Variants in GPHN observed in about 807,000 individuals in gnomAD.
GPHN encodes gephyrin.
In GPHN, 17 loss-of-function variants were observed where a neutral mutation model predicts 95.5. The observed-to-expected ratio is 0.18, with a 90% CI of 0.12 to 0.27. The LOEUF (loss-of-function observed/expected upper bound fraction) is 0.27. GPHN is among the 10% of genes least tolerant of loss of function. The probability of loss-of-function intolerance (pLI) is 1.00; values close to 1 mark genes in which losing one functional copy is unlikely to be tolerated. For synonymous variants in GPHN, 320 were observed against 322.5 expected (o/e 0.99, Z 0.08); for missense variants, 660 against 978.1 (o/e 0.67, Z 4.34).
chr14:67,323,163 C>T, the GPHN span, among the ~76,000 whole-genome samples: 1 of 150,024 alleles, frequency 6.7e-6, no homozygotes, highest in Admixed American at 6.7e-5. Context: ...CATAAAAGAG[C>T]AAGCTAAAAT....
At chr14:67,436,972 A>C in the GPHN span, among the ~76,000 whole-genome samples, 19 of 152,088 alleles carry the variant, frequency 1.2e-4, no homozygotes, top group African/African-American at 4.6e-4. Flanking sequence ...TGGGAGAATC[A>C]CTTGAACCCA....
the GPHN span, among the ~76,000 whole-genome samples, chr14:67,514,369 A>G: frequency 2.0e-5 from 3 of 152,122 alleles, no homozygotes; most frequent in East Asian, 5.8e-4. Context: ...CTTGCCAGGA[A>G]CCGGGCTGTA....
chr14:67,563,434 T>G, the GPHN span, among the ~76,000 whole-genome samples: 3 of 146,756 alleles, frequency 2.0e-5, no homozygotes, highest in Non-Finnish European at 3.0e-5. Context: ...TTCTTTTTTT[T>G]GGGGGGTGGG....
the GPHN span, among the ~76,000 whole-genome samples, chr14:67,276,009 CTT>C: frequency 6.6e-6 from 1 of 152,078 alleles, no homozygotes. Context: ...ATTCTTCTCT[CTT>C]TTCTTCATTA....
chr14:67,441,945 T>C, the GPHN span: 16 of 153,978 alleles, frequency 1.0e-4, no homozygotes, highest in Admixed American at 9.2e-4. Context: ...AATATCTATC[T>C]CCTTCCTATT....
intron 17 of GPHN, among the ~76,000 whole-genome samples, chr14:67,132,299 A>G (rs534693998): frequency 5.9e-5 from 9 of 152,250 alleles, no homozygotes; most frequent in Non-Finnish European, 1.0e-4. Context: ...TTGCTTACCC[A>G]ATGTTCTTAA....
At chr14:67,664,404 G>A in the GPHN span, among the ~76,000 whole-genome samples, 1 of 152,090 alleles carries the variant, frequency 6.6e-6, no homozygotes, top group Non-Finnish European at 1.5e-5. Context: ...CATCTATGCT[G>A]TTGCACGTAT....
the GPHN span, among the ~76,000 whole-genome samples, chr14:67,528,157 G>T: frequency 6.6e-6 from 1 of 152,164 alleles, no homozygotes; most frequent in South Asian, 2.1e-4. Flanking sequence ...CTTGGCTTGG[G>T]TCTGTCTTCT....
intron 4 of GPHN, among the ~76,000 whole-genome samples, chr14:66,872,591 C>A (rs1326052369): frequency 6.6e-6 from 1 of 151,902 alleles, no homozygotes; most frequent in African/African-American, 2.4e-5. Context: ...TTTAACTGTA[C>A]TTATCTTAAG....
intron 6 of GPHN, among the ~76,000 whole-genome samples, chr14:66,921,733 A>G (rs2066227466): frequency 6.6e-6 from 1 of 152,182 alleles, no homozygotes; most frequent in African/African-American, 2.4e-5. Flanking sequence ...ATGGCACCAA[A>G]AAAGAGCCCG....
the GPHN span, among the ~76,000 whole-genome samples, chr14:67,206,342 T>TA: frequency 6.6e-6 from 1 of 151,332 alleles, no homozygotes; most frequent in Non-Finnish European, 1.5e-5. Flanking sequence ...TACTAAAAAA[T>TA]AAAAATTAGC....
chr14:67,046,458 GA>G (rs1236584184), intron 10 of GPHN, among the ~76,000 whole-genome samples: 1 of 152,118 alleles, frequency 6.6e-6, no homozygotes, highest in Non-Finnish European at 1.5e-5. Context: ...GGAATAATGA[GA>G]GATGAGACTG....
the GPHN span, chr14:67,645,519 C>G: frequency 9.2e-7 from 1 of 1,085,842 alleles, no homozygotes; most frequent in Non-Finnish European, 1.3e-6. Context: ...CACCCAAACC[C>G]AGTCTCCATC....
At chr14:67,170,452 A>G (rs1423165140) in intron 21 of GPHN, among the ~76,000 whole-genome samples, 1 of 152,250 alleles carries the variant, frequency 6.6e-6, no homozygotes, top group Non-Finnish European at 1.5e-5. Flanking sequence ...AAAAATTCAC[A>G]TTATTATAAG....
chr14:67,656,942 G>T, the GPHN span, among the ~76,000 whole-genome samples: 1 of 152,296 alleles, frequency 6.6e-6, no homozygotes, highest in South Asian at 2.1e-4. Flanking sequence ...GCCCAGATGT[G>T]GGAGCTACCT....
the GPHN span, among the ~76,000 whole-genome samples, chr14:67,212,942 G>C: frequency 6.6e-6 from 1 of 151,478 alleles, no homozygotes; most frequent in African/African-American, 2.4e-5. Flanking sequence ...GCAAAGCATC[G>C]TTAACTATCT....
intron 2 of GPHN, among the ~76,000 whole-genome samples, chr14:66,714,631 A>G (rs901756236): frequency 1.1e-4 from 17 of 152,078 alleles, no homozygotes; most frequent in African/African-American, 4.1e-4. Flanking sequence ...GATGGCTTTT[A>G]TTACATTGAG....
chr14:67,397,854 T>C, the GPHN span: 3 of 1,583,484 alleles, frequency 1.9e-6, no homozygotes, highest in Non-Finnish European at 2.6e-6. Context: ...AGCCCTGAGG[T>C]GAGGCGGTCA....
At position 67,057,092 on chromosome 14, in the gene GPHN, C is replaced by T. The variant is rs997001322; in HGVS notation, c.1007-1557C>T. Among the ~76,000 whole-genome samples the T allele has an allele frequency of 9.2e-5, 14 of 152,108 alleles. No individual in the cohort carries two copies. In the South Asian group the frequency reaches 1.0e-3, roughly 11 times the overall value. ...ACACCTCCCTGCAAGCAGAGGGAGCCGGCTCTGGCCTCGGCCAGCCCAGAG... is the reference window on the plus strand; with the variant it reads ...ACACCTCCCTGCAAGCAGAGGGAGCTGGCTCTGGCCTCGGCCAGCCCAGAG... On this transcript the variant is annotated intron_variant, in intron 10 of 22. Coordinates refer to ENST00000478722, the MANE Select transcript of GPHN (RefSeq NM_020806.5).
Sources: gnomAD v4.1 joint callset for allele counts (sites outside exome capture counted in the v4.1 genomes callset) on GRCh38, gnomAD v4.1.1 for gene constraint, MANE v1.5 for transcripts, NCBI Gene and HGNC (gene_info 2026-07-23, HGNC 2026-07-21) for gene names.